DYM: variants seen among roughly 807,000 people sequenced by gnomAD.
The protein encoded by DYM is dymeclin, also known as dyggve-Melchior-Clausen syndrome protein.
DYM carries 78 observed loss-of-function variants against 93.1 expected under a neutral mutation model. That is an observed-to-expected ratio of 0.84 (90% confidence interval 0.70 to 1.01). The LOEUF (loss-of-function observed/expected upper bound fraction) is 1.01, where lower values mean the gene tolerates loss of function less well. Ranked by LOEUF, DYM falls within the 50% of genes least tolerant of loss-of-function variation. The pLI is 0.00. For missense variants in DYM, 789 were observed against 845.0 expected, an observed-to-expected ratio of 0.93 and a Z score of 0.82; for synonymous variants, 321 against 319.7, an observed-to-expected ratio of 1.00 and a Z score of -0.04.
Position 49,046,589 on chromosome 18 carries a change from T to C in DYM, c.2026-2385A>G, listed in dbSNP as rs532959715. Reference sequence around the variant, plus strand: ...CAGTAACAAGAATTTTAAAATAACATTTACAGTGATTAAGACTAAAAGCAT... The same window carrying C: ...CAGTAACAAGAATTTTAAAATAACACTTACAGTGATTAAGACTAAAAGCAT... On this transcript the variant is annotated intron_variant, in intron 17 of 17. Coordinates refer to ENST00000675505, the MANE Select transcript of DYM (RefSeq NM_001353214.3). Among the ~76,000 whole-genome samples the C allele has an allele frequency of 2.1e-3, 316 of 151,938 alleles. 2 individuals carry two copies. Among genetic ancestry groups the C allele is most frequent in the African/African-American group, 6.7e-3 (279 of 41,436 alleles).
chr18:49,274,382 T>C (rs1279924433), intron 10 of DYM, among the ~76,000 whole-genome samples: 2 of 152,176 alleles, frequency 1.3e-5, no homozygotes, highest in South Asian at 4.1e-4. Flanking sequence ...ATTTCATTTA[T>C]CCATTCTTCT....
intron 6 of DYM, among the ~76,000 whole-genome samples, chr18:49,345,288 A>C (rs895201406): frequency 6.6e-6 from 1 of 152,164 alleles, no homozygotes; most frequent in African/African-American, 2.4e-5. Context: ...TTCTTCTGGT[A>C]CATCCATATC....
intron 6 of DYM, among the ~76,000 whole-genome samples, chr18:49,337,372 T>C (rs1229597203): frequency 6.6e-6 from 1 of 152,162 alleles, no homozygotes; most frequent in Non-Finnish European, 1.5e-5. Context: ...CCTCCATACA[T>C]GTGGATTGGA....
intron 8 of DYM, among the ~76,000 whole-genome samples, chr18:49,291,236 A>C (rs1441496078): frequency 1.3e-5 from 2 of 152,360 alleles, no homozygotes; most frequent in Middle Eastern, 3.4e-3. Context: ...CAAGCAACTG[A>C]AACGTTTTGT....
chr18:49,302,194 C>T (rs939375855), intron 8 of DYM, among the ~76,000 whole-genome samples: 2 of 152,124 alleles, frequency 1.3e-5, no homozygotes, highest in Non-Finnish European at 2.9e-5. Flanking sequence ...AAGAAAACTG[C>T]TCTTCTATCC....
At chr18:49,212,583 A>C (rs1277647803) in intron 13 of DYM, among the ~76,000 whole-genome samples, 1 of 152,054 alleles carries the variant, frequency 6.6e-6, no homozygotes, top group Non-Finnish European at 1.5e-5. Flanking sequence ...CTGCAGCCTA[A>C]ACTACCTAGG....
At chr18:49,204,514 TCA>T (rs754933184) in intron 14 of DYM, among the ~76,000 whole-genome samples, 2 of 152,202 alleles carry the variant, frequency 1.3e-5, no homozygotes, top group Non-Finnish European at 2.9e-5. Flanking sequence ...CTTTCTTACT[TCA>T]CAGATTTCTC....
At chr18:49,454,215 A>G (rs996531102) in intron 1 of DYM, among the ~76,000 whole-genome samples, 1 of 152,206 alleles carries the variant, frequency 6.6e-6, no homozygotes, top group Non-Finnish European at 1.5e-5. Flanking sequence ...TTGCCACTCC[A>G]GAGCAGGGAA....
chr18:49,404,064 A>G (rs933003873), intron 2 of DYM, among the ~76,000 whole-genome samples: 1 of 151,708 alleles, frequency 6.6e-6, no homozygotes, highest in Non-Finnish European at 1.5e-5. Context: ...CTGGAGTGCA[A>G]TGGCACAATC....
At chr18:49,099,023 T>TA (rs964556364) in intron 16 of DYM, among the ~76,000 whole-genome samples, 3 of 152,114 alleles carry the variant, frequency 2.0e-5, no homozygotes, top group Admixed American at 6.6e-5. Flanking sequence ...ATTTTGTTGG[T>TA]AAAAAAATGG....
At chr18:49,095,443 T>C (rs1040657983) in intron 17 of DYM, among the ~76,000 whole-genome samples, 10 of 149,680 alleles carry the variant, frequency 6.7e-5, no homozygotes, top group Middle Eastern at 3.4e-3. Context: ...GTACTGGTGA[T>C]AGTGTTTTTT....
chr18:49,452,124 A>G (rs1418309538), intron 1 of DYM, among the ~76,000 whole-genome samples: 2 of 152,242 alleles, frequency 1.3e-5, no homozygotes, highest in Admixed American at 6.5e-5. Context: ...AGTGAGTGTT[A>G]CAGTTCTTCA....
intron 17 of DYM, among the ~76,000 whole-genome samples, chr18:49,062,856 C>T (rs1295798910): frequency 6.6e-6 from 1 of 152,162 alleles, no homozygotes; most frequent in Non-Finnish European, 1.5e-5. Context: ...GTTTCCTTTC[C>T]ACCTTTGAAA....
intron 6 of DYM, among the ~76,000 whole-genome samples, chr18:49,361,434 T>C (rs1051630867): frequency 2.0e-5 from 3 of 152,258 alleles, no homozygotes; most frequent in Admixed American, 6.5e-5. Flanking sequence ...TATATCTCCA[T>C]GTAGACTGAG....
chr18:49,448,496 G>A (rs1006524905), intron 1 of DYM, among the ~76,000 whole-genome samples: 8 of 152,176 alleles, frequency 5.3e-5, no homozygotes, highest in Admixed American at 6.5e-5. Context: ...AAGTTAAAGG[G>A]AAATCACAGG....
intron 1 of DYM, among the ~76,000 whole-genome samples, chr18:49,433,949 C>A (rs2080572780): frequency 1.3e-5 from 2 of 152,176 alleles, no homozygotes; most frequent in African/African-American, 4.8e-5. Context: ...GTCGCTCACA[C>A]CTGTAATTCC....
intron 3 of DYM, among the ~76,000 whole-genome samples, chr18:49,384,936 CCTT>C (rs1251281720): frequency 6.7e-6 from 1 of 148,996 alleles, no homozygotes; most frequent in African/African-American, 2.5e-5. Context: ...AAAAAAAAAA[CCTT>C]CTGAACTGAA....
intron 13 of DYM, among the ~76,000 whole-genome samples, chr18:49,247,056 A>G (rs951209571): frequency 1.3e-5 from 2 of 152,212 alleles, no homozygotes; most frequent in Non-Finnish European, 2.9e-5. Flanking sequence ...GAAGACAGAG[A>G]TGGTGTCTCT....
intron 2 of DYM, among the ~76,000 whole-genome samples, chr18:49,405,488 T>C (rs1257080714): frequency 6.6e-6 from 1 of 152,256 alleles, no homozygotes; most frequent in Non-Finnish European, 1.5e-5. Context: ...AACCATTTAT[T>C]GAATAGGAAG....
Sources: allele counts gnomAD v4.1 joint callset (sites outside exome capture counted in the v4.1 genomes callset), GRCh38; gene constraint gnomAD v4.1.1; transcripts MANE v1.5; gene names NCBI Gene and HGNC (gene_info 2026-07-23, HGNC 2026-07-21).